The following CATSPER2 variants were observed in gnomAD, a reference collection of about 807,000 sequenced individuals.
CATSPER2 encodes the protein cation channel sperm associated 2.
Under a neutral mutation model 68.8 loss-of-function variants are expected in CATSPER2, and 56 were observed. The ratio of observed to expected loss-of-function variants is 0.81; its 90% CI spans 0.66 to 1.02. The LOEUF (loss-of-function observed/expected upper bound fraction) is 1.02, where lower values mean the gene tolerates loss of function less well. CATSPER2 is among the 50% of genes least tolerant of loss of function. The probability of loss-of-function intolerance (pLI) is 0.00; values close to 1 mark genes in which losing one functional copy is unlikely to be tolerated. For missense variants in CATSPER2, 582 were observed against 642.0 expected (o/e 0.91, Z 1.01); for synonymous variants, 198 against 229.9 (o/e 0.86, Z 1.26).
chr15:43,640,998 G>T (rs1406572240), intron 4 of CATSPER2, among the ~76,000 whole-genome samples: 1 of 151,764 alleles, frequency 6.6e-6, no homozygotes, highest in Non-Finnish European at 1.5e-5. Flanking sequence ...GGTTCTGTTA[G>T]CTTTCTTTTA....
rs1034524805 is a variant in CATSPER2 at position 43,642,184 on chromosome 15, C to T, written c.389-1688G>A. ...GTGCAATCTCAGCTCACTGCAACCTCCGCCTCCTGGGTTCAAGCGATTCTC... is the reference window on the plus strand; with the variant it reads ...GTGCAATCTCAGCTCACTGCAACCTTCGCCTCCTGGGTTCAAGCGATTCTC... On this transcript the variant is annotated intron_variant, in intron 4 of 12. Transcript: ENST00000396879. 4.1e-4 allele frequency among the ~76,000 whole-genome samples: 62 copies of T among 151,596 alleles called. 1 individual carries two copies. Among genetic ancestry groups the T allele is most frequent in the African/African-American group, 1.4e-3 (59 of 41,214 alleles).
At position 43,639,309 on chromosome 15, in the gene CATSPER2, G is replaced by A. The variant is rs541009858; in HGVS notation, c.718-281C>T. ...GCCTAGGCTAGAGTGCAGTGGCGCAGTCTCGGCTCACTGCAACTTCCGCCT... is the reference window on the plus strand; with the variant it reads ...GCCTAGGCTAGAGTGCAGTGGCGCAATCTCGGCTCACTGCAACTTCCGCCT... On this transcript the variant is annotated intron_variant, in intron 6 of 12. Transcript: ENST00000396879. The A allele has an allele frequency of 1.1e-5, 5 of 458,170 alleles. No homozygotes were observed. In the East Asian group the frequency reaches 2.3e-4, roughly 21 times the overall value. The allele number at this position is 458,170 out of a possible 1,614,324, so 28.4% of individuals were successfully genotyped here. A position where few individuals can be genotyped will look rare whatever the true frequency, so the allele number is the denominator to read the frequency against.
intron 4 of CATSPER2, among the ~76,000 whole-genome samples, 174 bp from the exon 5 acceptor site, chr15:43,640,670 C>T (rs1220216243): frequency 1.3e-5 from 2 of 150,652 alleles, no homozygotes; most frequent in African/African-American, 4.9e-5. Context: ...CTGTGAAATA[C>T]AGGGAAGGAC....
rs1256788666 is a variant in CATSPER2, at chr15:43,636,032, T to C, written c.1021+9A>G. 6.5e-7 allele frequency: 1 copy of C among 1,534,962 alleles called. No individual in the cohort carries two copies. Among genetic ancestry groups the C allele is most frequent in the South Asian group, 1.1e-5 (1 of 88,124 alleles). On this transcript the variant is annotated intron_variant, in intron 8 of 12. Transcript: ENST00000396879. ...CTTCCCAAACAAGTTTCACCTCCTC[T>C]ATGCTTACCCATCATGGCTACTATG...
chr15:43,635,619 G>A (rs1266520219), intron 9 of CATSPER2, 108 bp downstream of exon 9: 4 of 1,101,172 alleles, frequency 3.6e-6, no homozygotes, highest in Middle Eastern at 2.5e-4. Flanking sequence ...ATCCTTGGGG[G>A]CAAATCTACT....
At chr15:43,643,883 C>G (rs2086114866) in intron 4 of CATSPER2, among the ~76,000 whole-genome samples, 1 of 151,914 alleles carries the variant, frequency 6.6e-6, no homozygotes, top group African/African-American at 2.4e-5. Flanking sequence ...GGGTCTTGCT[C>G]TGTCACCCAG....
chr15:43,631,747 G>T (rs183180912), intron 12 of CATSPER2, among the ~76,000 whole-genome samples: 20 of 152,054 alleles, frequency 1.3e-4, no homozygotes, highest in South Asian at 2.1e-4. Flanking sequence ...CAGTGAGCAC[G>T]TGTGGGCATA....
intron 4 of CATSPER2, among the ~76,000 whole-genome samples, chr15:43,643,406 C>T (rs566836458): frequency 7.9e-5 from 12 of 151,576 alleles, no homozygotes; most frequent in African/African-American, 2.2e-4. Context: ...GCTGCCATCT[C>T]GGCTCACTGC....
chr15:43,638,881 C>T, intron 7 of CATSPER2, 23 bp downstream of exon 7: 10 of 1,612,132 alleles, frequency 6.2e-6, no homozygotes, highest in Non-Finnish European at 8.5e-6. Context: ...TCCCCTCACC[C>T]AGCTGTCCCC....
intron 11 of CATSPER2, 71 bp from the exon 12 acceptor site, chr15:43,632,434 T>C (rs1325356240): frequency 5.1e-6 from 8 of 1,578,046 alleles, no homozygotes; most frequent in Admixed American, 1.7e-5. Flanking sequence ...GTAAATCCTA[T>C]GGTGTGGGTG....
chr15:43,646,704 CTCTTTT>C lies in CATSPER2; in HGVS notation c.388+340_388+345del, dbSNP rs759073825. On this transcript the variant is annotated intron_variant, in intron 4 of 12. Coordinates refer to ENST00000396879, the MANE Select transcript of CATSPER2 (RefSeq NM_172095.4). ...AAAAAAAATTACTCCTACCCACTTC[CTCTTTT>C]TCTTTTTCTTTTTTTTTTTTTTGAG... 3.7e-3 allele frequency among the ~76,000 whole-genome samples: 550 copies of C among 147,146 alleles called. 7 individuals are homozygous for C. The highest frequency in any genetic ancestry group is 6.2e-3 in the Admixed American group (92 of 14,868).
At chr15:43,645,762 C>T (rs1460232542) in intron 4 of CATSPER2, among the ~76,000 whole-genome samples, 2 of 151,876 alleles carry the variant, frequency 1.3e-5, no homozygotes, top group African/African-American at 2.4e-5. Context: ...CACTGCACTC[C>T]AGCCTAAGCA....
At chr15:43,631,847 C>T (rs554407111) in intron 12 of CATSPER2, among the ~76,000 whole-genome samples, 24 of 152,054 alleles carry the variant, frequency 1.6e-4, no homozygotes, top group African/African-American at 2.4e-4. Context: ...AGAGAATAAA[C>T]GTGCAGAAAC....
intron 4 of CATSPER2, among the ~76,000 whole-genome samples, chr15:43,645,174 GC>G (rs1424210949): frequency 1.3e-5 from 2 of 151,798 alleles, no homozygotes; most frequent in Non-Finnish European, 2.9e-5. Flanking sequence ...TCCCACCTCA[GC>G]CTGCTGAGTA....
intron 4 of CATSPER2, among the ~76,000 whole-genome samples, chr15:43,646,509 C>T (rs1456346061): frequency 6.6e-6 from 1 of 151,516 alleles, no homozygotes; most frequent in Admixed American, 6.6e-5. Context: ...GATTCAACCA[C>T]CTCGGCCTCC....
At chr15:43,645,331 C>T (rs763607572) in intron 4 of CATSPER2, among the ~76,000 whole-genome samples, 11 of 151,740 alleles carry the variant, frequency 7.2e-5, no homozygotes, top group Non-Finnish European at 1.5e-4. Flanking sequence ...GCTGGGATTA[C>T]AGGCATGAAC....
chr15:43,631,575 T>G (rs112570640), intron 12 of CATSPER2: 45 of 339,450 alleles, frequency 1.3e-4, no homozygotes, highest in East Asian at 4.3e-4. Context: ...AAATTAGTCA[T>G]AGAGTAATGA....
In CATSPER2 at chr15:43,647,988, G is replaced by C. The variant is rs1415106913; in HGVS notation, c.74C>G (p.Thr25Ser). 1 of 1,613,518 alleles carries C rather than the reference G, an allele frequency of 6.2e-7. No individual in the cohort carries two copies. Among genetic ancestry groups the C allele is most frequent in the Non-Finnish European group, 8.5e-7 (1 of 1,179,724 alleles). The change falls in exon 2 of 13, where the codon ACT becomes AGT. Residue 25 changes from threonine to serine, a missense_variant. By Grantham distance (58) the Thr-to-Ser change is moderately conservative. Coordinates refer to ENST00000396879, the MANE Select transcript of CATSPER2 (RefSeq NM_172095.4). ...TTGCAAATGCTCAATGAGAGAGAAAGTATCGATGAGACGTGAACGAATGGC... is the reference window on the plus strand; with the variant it reads ...TTGCAAATGCTCAATGAGAGAGAAACTATCGATGAGACGTGAACGAATGGC... Reference protein sequence around the residue: ...ADAIRSRLIDTFSLIEHLQGL... With the variant: ...ADAIRSRLIDSFSLIEHLQGL...
At chr15:43,648,300 T>C (rs2086210393) in intron 1 of CATSPER2, among the ~76,000 whole-genome samples, 1 of 151,962 alleles carries the variant, frequency 6.6e-6, no homozygotes, top group Non-Finnish European at 1.5e-5. Context: ...GCCAGGCATC[T>C]TCACTTTGTG....
Sources: gnomAD v4.1 joint callset for allele counts (sites outside exome capture counted in the v4.1 genomes callset) on GRCh38, gnomAD v4.1.1 for gene constraint, MANE v1.5 for transcripts, NCBI Gene and HGNC (gene_info 2026-07-23, HGNC 2026-07-21) for gene names.